The following APP variants were observed in gnomAD, a reference collection of about 807,000 sequenced individuals.
The protein encoded by APP is amyloid-beta precursor protein.
Under a neutral mutation model 101.4 loss-of-function variants are expected in APP, and 31 were observed. The ratio of observed to expected loss-of-function variants is 0.31; its 90% CI spans 0.23 to 0.41. The LOEUF is 0.41. Among genes scored for constraint, APP ranks in the 10% least tolerant of loss-of-function variants. The probability of loss-of-function intolerance (pLI) is 1.00; values close to 1 mark genes in which losing one functional copy is unlikely to be tolerated. For missense variants in APP, 839 were observed against 1,003.7 expected, an observed-to-expected ratio of 0.84 and a Z score of 2.22; for synonymous variants, 366 against 364.4, an observed-to-expected ratio of 1.00 and a Z score of -0.05.
rs1601619465 is a variant in APP at position 26,170,735 on chromosome 21, C to G, written c.-115G>C. 2.7e-6 allele frequency: 3 copies of G among 1,092,602 alleles called. No individual in the cohort carries two copies. 67.7% of individuals were successfully genotyped at this position (1,092,602 alleles called of 1,614,324 possible). ...CCCGGGGCCCCCGCGCACGCTCCTCCGCGTGCTCTCGCCTACCGCTGCCGA... is the reference window on the plus strand; with the variant it reads ...CCCGGGGCCCCCGCGCACGCTCCTCGGCGTGCTCTCGCCTACCGCTGCCGA... On this transcript the variant is annotated 5_prime_UTR_variant, in exon 1 of 18. Transcript: ENST00000346798.
intron 8 of APP, among the ~76,000 whole-genome samples, chr21:25,993,629 T>C (rs1423755575): frequency 6.6e-6 from 1 of 152,232 alleles, no homozygotes. Context: ...TGTCGAGAAT[T>C]GGATGATGCT....
intron 1 of APP, among the ~76,000 whole-genome samples, chr21:26,146,803 C>T (rs963580787): frequency 6.6e-6 from 1 of 152,128 alleles, no homozygotes; most frequent in Non-Finnish European, 1.5e-5. Context: ...TTTGTAAGAA[C>T]ACTTCATGGA....
At chr21:26,087,891 G>A (rs1447401107) in intron 3 of APP, among the ~76,000 whole-genome samples, 4 of 152,180 alleles carry the variant, frequency 2.6e-5, no homozygotes, top group East Asian at 1.9e-4. Context: ...GACAGTCTCC[G>A]TGTAATTATA....
chr21:25,998,665 G>A (rs547364719), intron 7 of APP, among the ~76,000 whole-genome samples: 16 of 152,200 alleles, frequency 1.1e-4, no homozygotes, highest in African/African-American at 2.9e-4. Context: ...GCAACACAGC[G>A]GAGAATTAGG....
chr21:25,908,956 G>A lies in APP; in HGVS notation c.1909+2785C>T, dbSNP rs74312633. Reference sequence around the variant, plus strand: ...TTTAATATCCTATGAGATGATGGCCGTCTATTTTATTTAAAAACCAATTGG... The same window carrying A: ...TTTAATATCCTATGAGATGATGGCCATCTATTTTATTTAAAAACCAATTGG... On this transcript the variant is annotated intron_variant, in intron 14 of 17. Coordinates refer to ENST00000346798, the MANE Select transcript of APP (RefSeq NM_000484.4). Among the ~76,000 whole-genome samples the A allele has an allele frequency of 0.019, 2,823 of 152,066 alleles. 170 individuals are homozygous for A. The East Asian group carries it at 0.19, about 10-fold the overall frequency.
chr21:25,987,468 T>C (rs1018746493), intron 8 of APP, among the ~76,000 whole-genome samples: 2 of 152,220 alleles, frequency 1.3e-5, no homozygotes, highest in African/African-American at 4.8e-5. Flanking sequence ...ATGACCTTTG[T>C]ATTTTAGTCT....
chr21:25,895,148 A>G (rs1239521992), intron 16 of APP, among the ~76,000 whole-genome samples: 1 of 151,678 alleles, frequency 6.6e-6, no homozygotes, highest in Non-Finnish European at 1.5e-5. Flanking sequence ...TGCACATGTA[A>G]CAGACTAGAG....
intron 6 of APP, among the ~76,000 whole-genome samples, chr21:26,018,943 A>G (rs985769383): frequency 6.6e-5 from 10 of 152,238 alleles, no homozygotes. Context: ...TTAATATCAA[A>G]TAATACTACC....
At chr21:25,892,623 A>C (rs1208664272) in intron 16 of APP, among the ~76,000 whole-genome samples, 2 of 152,232 alleles carry the variant, frequency 1.3e-5, no homozygotes, top group African/African-American at 4.8e-5. Flanking sequence ...AGAAACCAAA[A>C]TCTGAAATGT....
At chr21:25,990,972 C>T (rs566460752) in intron 8 of APP, among the ~76,000 whole-genome samples, 16 of 152,090 alleles carry the variant, frequency 1.1e-4, no homozygotes, top group Non-Finnish European at 2.2e-4. Context: ...ATATATACCA[C>T]GGAATACTAG....
chr21:25,896,153 C>T (rs1026554538), intron 16 of APP, among the ~76,000 whole-genome samples: 2 of 151,770 alleles, frequency 1.3e-5, no homozygotes, highest in Admixed American at 6.6e-5. Context: ...TCAAGAGAAA[C>T]CCTGATCTTA....
intron 11 of APP, among the ~76,000 whole-genome samples, chr21:25,974,121 T>C (rs984962151): frequency 8.5e-5 from 13 of 152,160 alleles, no homozygotes; most frequent in African/African-American, 3.1e-4. Flanking sequence ...AGTCTCATCA[T>C]TGCTAATGTC....
At chr21:25,976,810 T>C (rs1002919647) in intron 9 of APP, among the ~76,000 whole-genome samples, 2 of 152,214 alleles carry the variant, frequency 1.3e-5, no homozygotes, top group Non-Finnish European at 2.9e-5. Flanking sequence ...GGGTAAGTCC[T>C]GTAAGAGGTG....
chr21:26,068,868 C>T (rs914776326), intron 3 of APP, among the ~76,000 whole-genome samples: 6 of 152,214 alleles, frequency 3.9e-5, no homozygotes, highest in Non-Finnish European at 1.5e-5. Flanking sequence ...TCAATTCTGA[C>T]CTTTCACTTA....
chr21:26,097,803 G>A (rs908698937), intron 2 of APP, among the ~76,000 whole-genome samples: 3 of 152,118 alleles, frequency 2.0e-5, no homozygotes, highest in South Asian at 4.1e-4. Flanking sequence ...TGCATAGGCC[G>A]GGCGCGGTGG....
intron 1 of APP, among the ~76,000 whole-genome samples, chr21:26,153,158 G>A (rs1382394917): frequency 2.6e-5 from 4 of 152,136 alleles, no homozygotes; most frequent in Admixed American, 2.0e-4. Context: ...GAGGGTAATA[G>A]GGGACTAGGG....
chr21:26,160,165 T>G (rs888075399), intron 1 of APP, among the ~76,000 whole-genome samples: 2 of 152,042 alleles, frequency 1.3e-5, no homozygotes, highest in African/African-American at 4.8e-5. Flanking sequence ...CCTCAGGAAT[T>G]CCCCCCTCTC....
chr21:25,941,238 C>G (rs1173557763), intron 13 of APP: 1 of 152,202 alleles, frequency 6.6e-6, no homozygotes, highest in African/African-American at 2.4e-5. Flanking sequence ...GATATAAGAT[C>G]AGCCTGGCTG....
chr21:26,170,441 G>T, intron 1 of APP, 123 bp downstream of exon 1: 3 of 1,038,848 alleles, frequency 2.9e-6, no homozygotes, highest in Non-Finnish European at 4.2e-6. Flanking sequence ...CGGGGGCGGA[G>T]AGGAGAGGGG....
Sources: allele counts gnomAD v4.1 joint callset (sites outside exome capture counted in the v4.1 genomes callset), GRCh38; gene constraint gnomAD v4.1.1; transcripts MANE v1.5; gene names NCBI Gene and HGNC (gene_info 2026-07-23, HGNC 2026-07-21).